CD226: variants seen among roughly 807,000 people sequenced by gnomAD.
CD226 encodes CD226 antigen.
A neutral mutation model predicts 34.9 loss-of-function variants in CD226; 24 were observed. The ratio of observed to expected loss-of-function variants is 0.69; its 90% CI spans 0.50 to 0.97. CD226 has a LOEUF of 0.97. CD226 is among the 50% of genes least tolerant of loss of function. The pLI is 0.00. For synonymous variants in CD226, 148 were observed against 147.4 expected (o/e 1.00, Z -0.03); for missense variants, 397 against 412.7 (o/e 0.96, Z 0.33).
At position 69,855,586 on chromosome 18, in the gene CD226, AC is replaced by A. The variant is rs1395533231; in HGVS notation, c.*8727del. 1 of 152,170 alleles carries A rather than the reference AC, an allele frequency of 6.6e-6. No homozygotes were observed. Among genetic ancestry groups the A allele is most frequent in the African/African-American group, 2.4e-5 (1 of 41,448 alleles). The allele number at this position is 152,170 out of a possible 1,614,324, so 9.4% of individuals were successfully genotyped here. A position where few individuals can be genotyped will look rare whatever the true frequency, so the allele number is the denominator to read the frequency against. On this transcript the variant is annotated 3_prime_UTR_variant, in exon 6 of 6. Coordinates refer to ENST00000582621, the MANE Select transcript of CD226 (RefSeq NM_001303618.2). ...GAACTTGCCAAAATTAGTGATAGAC[AC>A]CAACTCAGGTAGCTCAGATAACACT...
At chr18:69,926,114 G>C (rs2055518544) in intron 2 of CD226, among the ~76,000 whole-genome samples, 1 of 152,086 alleles carries the variant, frequency 6.6e-6, no homozygotes, top group African/African-American at 2.4e-5. Flanking sequence ...CTGCACTCCA[G>C]ACTGGGCGAC....
chr18:69,939,413 A>C (rs1012524855), intron 2 of CD226, among the ~76,000 whole-genome samples: 1 of 152,218 alleles, frequency 6.6e-6, no homozygotes, highest in African/African-American at 2.4e-5. Flanking sequence ...CATGAGCTTC[A>C]TCCATGTCGG....
At chr18:69,959,199 G>A (rs1474095391), upstream of CD226, among the ~76,000 whole-genome samples, 3 of 152,126 alleles carry the variant, frequency 2.0e-5, no homozygotes, top group East Asian at 1.9e-4. Context: ...AATAACCTGA[G>A]ACAAATTAAA....
chr18:69,903,038 G>T lies in CD226; in HGVS notation c.383-6993C>A, dbSNP rs145347685. Among the ~76,000 whole-genome samples the T allele has an allele frequency of 2.8e-3, 427 of 152,254 alleles. 2 individuals are homozygous for T. The highest frequency in any genetic ancestry group is 0.01 in the Middle Eastern group (3 of 294). On this transcript the variant is annotated intron_variant, in intron 2 of 5. Transcript: ENST00000582621. The stretch of plus-strand genomic sequence containing the variant: ...AGTTCTCAAAAATAAGCAAGCAAAA[G>T]AAATAGAAAGGCAAGTTCCCAGTTA...
At chr18:69,916,814 G>T (rs1168885194) in intron 2 of CD226, among the ~76,000 whole-genome samples, 1 of 152,182 alleles carries the variant, frequency 6.6e-6, no homozygotes, top group Non-Finnish European at 1.5e-5. Flanking sequence ...TTGCTTTAAG[G>T]GATGTTGAGA....
intron 2 of CD226, among the ~76,000 whole-genome samples, chr18:69,918,280 C>T (rs551885334): frequency 1.2e-4 from 19 of 152,274 alleles, no homozygotes; most frequent in South Asian, 4.1e-4. Flanking sequence ...GGGCCAGGCA[C>T]GGTGGCTCAC....
At chr18:69,890,912 G>A (rs1984857155) in intron 3 of CD226, among the ~76,000 whole-genome samples, 1 of 150,808 alleles carries the variant, frequency 6.6e-6, no homozygotes, top group African/African-American at 2.4e-5. Context: ...ACATTATCAT[G>A]TGTAATCAAT....
At position 69,947,482 on chromosome 18, in the gene CD226, G is replaced by T; in HGVS notation, c.-76C>A. 1 of 855,348 alleles carries T rather than the reference G, an allele frequency of 1.2e-6. No individual in the cohort carries two copies. Among genetic ancestry groups the T allele is most frequent in the Non-Finnish European group, 1.9e-6 (1 of 535,710 alleles). 53.0% of individuals were successfully genotyped at this position (855,348 alleles called of 1,614,324 possible). On this transcript the variant is annotated 5_prime_UTR_variant, in exon 1 of 6. The change creates a new upstream start codon in the 5' untranslated region. Coordinates refer to ENST00000582621, the MANE Select transcript of CD226 (RefSeq NM_001303618.2). Reference sequence around the variant, plus strand: ...TTATAATGTGACATGCAGATCCCCAGCACAATGCAGTTTCCTTCCTCTCAG... The same window carrying T: ...TTATAATGTGACATGCAGATCCCCATCACAATGCAGTTTCCTTCCTCTCAG...
chr18:69,914,616 T>C (rs756241581), intron 2 of CD226, among the ~76,000 whole-genome samples: 1 of 152,168 alleles, frequency 6.6e-6, no homozygotes, highest in Admixed American at 6.5e-5. Flanking sequence ...TCCTTCTAAT[T>C]GAGAATGACA....
In CD226 at chr18:69,873,255, G is replaced by T; in HGVS notation, c.728-9C>A. 1 of 1,417,256 alleles carries T rather than the reference G, an allele frequency of 7.1e-7. No homozygotes were observed. Among genetic ancestry groups the T allele is most frequent in the South Asian group, 1.2e-5 (1 of 80,596 alleles). 87.8% of individuals were successfully genotyped at this position (1,417,256 alleles called of 1,614,324 possible). ...TTGGTTATCGGTTTTACCTAGGAGA[G>T]AAAAAAAATATTGTAGGAATTAGGA... On this transcript the variant is annotated splice_polypyrimidine_tract_variant and intron_variant, in intron 3 of 5. Transcript: ENST00000582621.
intron 2 of CD226, among the ~76,000 whole-genome samples, chr18:69,930,564 G>A (rs996884175): frequency 1.3e-5 from 2 of 152,060 alleles, no homozygotes; most frequent in African/African-American, 2.4e-5. Context: ...CATACAACAC[G>A]AAAGAAATAG....
chr18:69,883,331 T>G (rs1427751406), intron 3 of CD226, among the ~76,000 whole-genome samples: 2 of 152,182 alleles, frequency 1.3e-5, no homozygotes, highest in African/African-American at 4.8e-5. Flanking sequence ...CTATGGAATA[T>G]TGAGGAAAAC....
intron 2 of CD226, among the ~76,000 whole-genome samples, chr18:69,916,072 T>C (rs1324312441): frequency 1.4e-5 from 2 of 142,556 alleles, no homozygotes; most frequent in Non-Finnish European, 2.9e-5. Context: ...TTCAATTGCA[T>C]TTTACAGCAA....
chr18:69,922,854 G>A (rs928634210), intron 2 of CD226, among the ~76,000 whole-genome samples: 3 of 152,218 alleles, frequency 2.0e-5, no homozygotes, highest in African/African-American at 4.8e-5. Context: ...TAACTGGCCA[G>A]GCTTGGTGGC....
intron 3 of CD226, among the ~76,000 whole-genome samples, chr18:69,882,409 G>A (rs918350630): frequency 5.3e-5 from 8 of 152,162 alleles, no homozygotes; most frequent in African/African-American, 1.4e-4. Context: ...CTTCTGGTGC[G>A]ATAATGTAGC....
intron 2 of CD226, among the ~76,000 whole-genome samples, chr18:69,900,538 C>T (rs1207944130): frequency 1.3e-5 from 2 of 151,774 alleles, no homozygotes; most frequent in African/African-American, 2.4e-5. Flanking sequence ...CGAGACCATC[C>T]TGGCTAACAA....
chr18:69,863,930 C>G lies in CD226; in HGVS notation c.*384G>C, dbSNP rs558557634. 3 of 157,028 alleles carry G rather than the reference C, an allele frequency of 1.9e-5. No individual in the cohort carries two copies. Among genetic ancestry groups the G allele is most frequent in the African/African-American group, 4.8e-5 (2 of 41,784 alleles). 9.7% of individuals were successfully genotyped at this position (157,028 alleles called of 1,614,324 possible). A position where few individuals can be genotyped will look rare whatever the true frequency, so the allele number is the denominator to read the frequency against. ...CCATCTTGCCAACACAAGAGGAAAG[C>G]CTGCATGAGAGTGAGGCCAAGACCA... On this transcript the variant is annotated 3_prime_UTR_variant, in exon 6 of 6. Coordinates refer to ENST00000582621, the MANE Select transcript of CD226 (RefSeq NM_001303618.2).
Position 69,916,924 on chromosome 18 carries a change from C to T in CD226, c.383-20879G>A, listed in dbSNP as rs556061322. ...TAATACCATCTCCCCACATGACCTG[C>T]TATCAAGATTTGAAGCCAAGCTTCA... On this transcript the variant is annotated intron_variant, in intron 2 of 5. Transcript: ENST00000582621. 7.9e-5 allele frequency among the ~76,000 whole-genome samples: 12 copies of T among 152,282 alleles called. 1 individual carries two copies. The highest frequency in any genetic ancestry group is 1.0e-4 in the Non-Finnish European group (7 of 68,014).
intron 5 of CD226, 43 bp downstream of exon 5, chr18:69,867,314 G>C: frequency 2.2e-6 from 3 of 1,365,134 alleles, no homozygotes; most frequent in Non-Finnish European, 2.1e-6. Context: ...CTTTGCATCT[G>C]TAAATTACAA....
Sources: allele counts gnomAD v4.1 joint callset (sites outside exome capture counted in the v4.1 genomes callset), GRCh38; gene constraint gnomAD v4.1.1; transcripts MANE v1.5; gene names NCBI Gene and HGNC (gene_info 2026-07-23, HGNC 2026-07-21).